PDZRN3: variants seen among roughly 807,000 people sequenced by gnomAD.
PDZRN3 encodes the protein E3 ubiquitin-protein ligase PDZRN3.
In PDZRN3, 38 loss-of-function variants were observed where a neutral mutation model predicts 85.7. That is an observed-to-expected ratio of 0.44 (90% CI 0.34 to 0.58). The LOEUF (loss-of-function observed/expected upper bound fraction) is 0.58, where lower values mean the gene tolerates loss of function less well. PDZRN3 is among the 20% of genes least tolerant of loss of function. The pLI, the probability that PDZRN3 is intolerant of heterozygous loss-of-function variation, is 0.01. For synonymous variants in PDZRN3, 759 were observed against 638.0 expected, an observed-to-expected ratio of 1.19 and a Z score of -2.86; for missense variants, 1,629 against 1,506.4, an observed-to-expected ratio of 1.08 and a Z score of -1.35.
intron 3 of PDZRN3, among the ~76,000 whole-genome samples, chr3:73,426,915 G>GTCCTTGCT (rs1271257854): frequency 1.3e-5 from 2 of 152,142 alleles, no homozygotes; most frequent in African/African-American, 4.8e-5. Flanking sequence ...GTCAAAAGCT[G>GTCCTTGCT]TCCTTGCTTC....
chr3:73,582,601 A>G (rs993953545), intron 3 of PDZRN3, among the ~76,000 whole-genome samples: 2 of 152,180 alleles, frequency 1.3e-5, no homozygotes, highest in Non-Finnish European at 2.9e-5. Context: ...AGAGGCTCCA[A>G]CAACTTAATG....
intron 3 of PDZRN3, among the ~76,000 whole-genome samples, chr3:73,422,446 G>T (rs1056138456): frequency 6.6e-6 from 1 of 152,202 alleles, no homozygotes; most frequent in African/African-American, 2.4e-5. Flanking sequence ...TTTAAAGCCT[G>T]TGCAGGATAA....
chr3:73,569,451 G>A (rs1046323093), intron 3 of PDZRN3: 8 of 1,129,336 alleles, frequency 7.1e-6, no homozygotes, highest in East Asian at 1.5e-4. Context: ...CTTAAGCCCC[G>A]AGGCGTCTAC....
intron 1 of PDZRN3, among the ~76,000 whole-genome samples, chr3:73,621,050 G>A (rs1702851769): frequency 6.6e-6 from 1 of 152,228 alleles, no homozygotes. Context: ...GCATCATCTG[G>A]GAGCTCATTG....
intron 3 of PDZRN3, among the ~76,000 whole-genome samples, chr3:73,577,078 G>T (rs181916220): frequency 2.0e-5 from 3 of 152,248 alleles, no homozygotes; most frequent in Admixed American, 2.0e-4. Context: ...ACTCATGCAT[G>T]GTTGATGAAT....
Position 73,384,036 on chromosome 3 carries a change from C to T in PDZRN3, c.2530G>A (p.Asp844Asn), listed in dbSNP as rs1054054622. 6.3e-7 allele frequency: 1 copy of T among 1,596,774 alleles called. No homozygotes were observed. The highest frequency in any genetic ancestry group is 8.5e-7 in the Non-Finnish European group (1 of 1,172,384). ...PLESKERRAS[D>N]GSRSPTPSQK... ...CTGGGCGTGGGGCTCCGGCTCCCGTCGCTGGCTCTCCGCTCTTTGCTTTCC... is the reference window on the plus strand; with the variant it reads ...CTGGGCGTGGGGCTCCGGCTCCCGTTGCTGGCTCTCCGCTCTTTGCTTTCC... Residue 844 changes from aspartate to asparagine, a missense_variant, in exon 10 of 10, where the codon GAC becomes AAC. Asp to Asn is a conservative substitution (Grantham distance 23). Coordinates refer to ENST00000263666, the MANE Select transcript of PDZRN3 (RefSeq NM_015009.3).
intron 3 of PDZRN3, among the ~76,000 whole-genome samples, chr3:73,508,910 C>T (rs996927102): frequency 1.3e-5 from 2 of 152,096 alleles, no homozygotes; most frequent in African/African-American, 4.8e-5. Flanking sequence ...CCCTAGTGTC[C>T]CTTTGAGGTT....
intron 3 of PDZRN3, among the ~76,000 whole-genome samples, chr3:73,528,853 GAC>G (rs1455149395): frequency 6.6e-6 from 1 of 151,194 alleles, no homozygotes; most frequent in East Asian, 1.9e-4. Context: ...AGGTAAAGTG[GAC>G]ACATTTAGTC....
chr3:73,526,371 C>T (rs550437925), intron 3 of PDZRN3, among the ~76,000 whole-genome samples: 1 of 152,232 alleles, frequency 6.6e-6, no homozygotes, highest in South Asian at 2.1e-4. Flanking sequence ...TCAAGTATCC[C>T]CATACCCATT....
intron 1 of PDZRN3, among the ~76,000 whole-genome samples, chr3:73,611,322 C>G (rs1318191443): frequency 6.6e-6 from 1 of 152,190 alleles, no homozygotes; most frequent in Non-Finnish European, 1.5e-5. Context: ...CTAAGTCCAG[C>G]CCTGACCTCA....
In PDZRN3 at chr3:73,509,357, C is replaced by T. The variant is rs147296790; in HGVS notation, c.918+92997G>A. Reference sequence around the variant, plus strand: ...GGACCCAGGAGGACGCAGACCCATGCGGTCTCAGCCCTTTAGGTGCAGAAA... The same window carrying T: ...GGACCCAGGAGGACGCAGACCCATGTGGTCTCAGCCCTTTAGGTGCAGAAA... On this transcript the variant is annotated intron_variant, in intron 3 of 9. Transcript: ENST00000263666. 4.2e-4 allele frequency among the ~76,000 whole-genome samples: 64 copies of T among 152,318 alleles called. 1 individual carries two copies. Among genetic ancestry groups the T allele is most frequent in the East Asian group, 2.5e-3 (13 of 5,178 alleles).
intron 5 of PDZRN3, among the ~76,000 whole-genome samples, chr3:73,398,676 A>G (rs1315615918): frequency 6.6e-6 from 1 of 152,234 alleles, no homozygotes; most frequent in South Asian, 2.1e-4. Context: ...GCTAGTCTTA[A>G]CACTTCTTTA....
chr3:73,593,709 T>TATACACACACACACACACACAC (rs1246145951), intron 3 of PDZRN3, among the ~76,000 whole-genome samples: 1 of 141,838 alleles, frequency 7.1e-6, no homozygotes, highest in Non-Finnish European at 1.5e-5. Flanking sequence ...GAAATAAATA[T>TATACACACACACACACACACAC]ACACACACAC....
At chr3:73,504,833 T>C (rs6772633) in intron 3 of PDZRN3, among the ~76,000 whole-genome samples, 102,508 of 152,128 alleles carry the variant, frequency 0.67, 34,886 homozygotes, top group East Asian at 0.91. Flanking sequence ...AGTGCATGTA[T>C]ATGATCTAAT....
At chr3:73,492,909 T>C (rs1042764075) in intron 3 of PDZRN3, among the ~76,000 whole-genome samples, 1 of 151,774 alleles carries the variant, frequency 6.6e-6, no homozygotes, top group African/African-American at 2.4e-5. Context: ...ACAATTATTA[T>C]GTATCAATTT....
intron 1 of PDZRN3, chr3:73,621,689 A>G (rs1017027992): frequency 1.3e-5 from 2 of 152,180 alleles, no homozygotes; most frequent in African/African-American, 4.8e-5. Context: ...GAAACTATCT[A>G]GGGCAGCTTC....
chr3:73,592,182 CA>C (rs1415331129), intron 3 of PDZRN3, among the ~76,000 whole-genome samples: 1 of 152,108 alleles, frequency 6.6e-6, no homozygotes, highest in Non-Finnish European at 1.5e-5. Flanking sequence ...AACGGATCCT[CA>C]AATCAATATG....
chr3:73,582,307 A>C (rs1290318981), intron 3 of PDZRN3, among the ~76,000 whole-genome samples: 4 of 152,130 alleles, frequency 2.6e-5, no homozygotes, highest in Non-Finnish European at 5.9e-5. Context: ...ACTCCACAAA[A>C]CATTTTAATC....
intron 3 of PDZRN3, among the ~76,000 whole-genome samples, chr3:73,455,489 T>C (rs894837344): frequency 1.3e-4 from 20 of 152,220 alleles, no homozygotes; most frequent in African/African-American, 4.8e-4. Context: ...ATCTGGGAAG[T>C]CAAGGCATTG....
Sources: gnomAD v4.1 joint callset for allele counts (sites outside exome capture counted in the v4.1 genomes callset) on GRCh38, gnomAD v4.1.1 for gene constraint, MANE v1.5 for transcripts, NCBI Gene and HGNC (gene_info 2026-07-23, HGNC 2026-07-21) for gene names.